Variants in PDGFD observed in about 807,000 individuals in gnomAD.
PDGFD encodes the protein platelet derived growth factor D, also known as platelet-derived growth factor D.
PDGFD carries 30 observed loss-of-function variants against 44.7 expected under a neutral mutation model. The ratio of observed to expected loss-of-function variants is 0.67; its 90% CI spans 0.50 to 0.91. The LOEUF (loss-of-function observed/expected upper bound fraction) is 0.91. Ranked by LOEUF, PDGFD falls within the 40% of genes least tolerant of loss-of-function variation. PDGFD has a pLI of 0.00. For synonymous variants in PDGFD, 173 were observed against 168.4 expected, an observed-to-expected ratio of 1.03 and a Z score of -0.21; for missense variants, 445 against 457.8, an observed-to-expected ratio of 0.97 and a Z score of 0.25.
At chr11:104,078,040 C>G (rs549077) in intron 1 of PDGFD, among the ~76,000 whole-genome samples, 71,998 of 151,892 alleles carry the variant, frequency 0.47, 18,957 homozygotes, top group African/African-American at 0.72. Context: ...TGCCACTGGT[C>G]CTCAGCGGCC....
At chr11:103,998,837 A>G (rs1319053137) in intron 2 of PDGFD, among the ~76,000 whole-genome samples, 1 of 152,184 alleles carries the variant, frequency 6.6e-6, no homozygotes, top group Non-Finnish European at 1.5e-5. Flanking sequence ...TTGGAGGATT[A>G]ACTGCTGTGG....
chr11:103,991,077 T>G (rs921505564), intron 3 of PDGFD, among the ~76,000 whole-genome samples: 2 of 151,698 alleles, frequency 1.3e-5, no homozygotes, highest in Admixed American at 6.6e-5. Flanking sequence ...AGACGGAGCT[T>G]GCAGTGAGCC....
chr11:104,020,017 T>C (rs1267736695), intron 1 of PDGFD, among the ~76,000 whole-genome samples: 1 of 152,114 alleles, frequency 6.6e-6, no homozygotes, highest in East Asian at 1.9e-4. Flanking sequence ...TCTACAAATG[T>C]CATTAAGCTA....
chr11:104,093,237 A>G (rs1861235323), intron 1 of PDGFD, among the ~76,000 whole-genome samples: 1 of 152,114 alleles, frequency 6.6e-6, no homozygotes, highest in African/African-American at 2.4e-5. Flanking sequence ...ATTCTAGAGA[A>G]AAGTGATGGG....
At chr11:103,957,263 A>G in intron 3 of PDGFD, among the ~76,000 whole-genome samples, 1 of 152,182 alleles carries the variant, frequency 6.6e-6, no homozygotes, top group Non-Finnish European at 1.5e-5. Flanking sequence ...ATCCAGTTGA[A>G]TCAATATCGT....
intron 5 of PDGFD, among the ~76,000 whole-genome samples, chr11:103,932,520 C>G (rs765861980): frequency 6.6e-6 from 1 of 152,174 alleles, no homozygotes; most frequent in Non-Finnish European, 1.5e-5. Flanking sequence ...TATTCAGGTG[C>G]TTCTCTTCTA....
chr11:104,088,637 C>T (rs1271379273), intron 1 of PDGFD, among the ~76,000 whole-genome samples: 1 of 152,126 alleles, frequency 6.6e-6, no homozygotes. Flanking sequence ...GTAACAGATA[C>T]CTCCTGGGAA....
intron 1 of PDGFD, among the ~76,000 whole-genome samples, chr11:104,058,177 A>G (rs1280296939): frequency 6.6e-6 from 1 of 152,176 alleles, no homozygotes; most frequent in Non-Finnish European, 1.5e-5. Flanking sequence ...AAAATTAAAA[A>G]CTCTTGGATA....
chr11:103,948,357 T>G (rs1425698317), intron 3 of PDGFD, among the ~76,000 whole-genome samples: 1 of 152,080 alleles, frequency 6.6e-6, no homozygotes, highest in East Asian at 1.9e-4. Context: ...GGAAGGAAGG[T>G]CAAGGGCAGA....
intron 6 of PDGFD, among the ~76,000 whole-genome samples, chr11:103,923,545 C>T (rs890262018): frequency 3.9e-5 from 6 of 152,126 alleles, no homozygotes; most frequent in African/African-American, 9.7e-5. Flanking sequence ...TCAGTTGCAA[C>T]CATGAGCTGG....
intron 1 of PDGFD, among the ~76,000 whole-genome samples, chr11:104,060,517 C>G (rs1052193543): frequency 5.9e-5 from 9 of 152,146 alleles, no homozygotes; most frequent in African/African-American, 1.9e-4. Flanking sequence ...CCCTGGGTTG[C>G]TAATTCAGAT....
intron 1 of PDGFD, among the ~76,000 whole-genome samples, chr11:104,136,242 T>C (rs1414743465): frequency 2.0e-5 from 3 of 152,174 alleles, no homozygotes; most frequent in East Asian, 3.9e-4. Flanking sequence ...CAAGGCTATA[T>C]ATGACTGAAT....
intron 5 of PDGFD, among the ~76,000 whole-genome samples, chr11:103,937,583 A>G (rs1456623821): frequency 6.6e-6 from 1 of 152,086 alleles, no homozygotes; most frequent in Non-Finnish European, 1.5e-5. Flanking sequence ...TTTAAGTTTT[A>G]GAGTACATAT....
chr11:104,155,408 G>C (rs894349723), intron 1 of PDGFD, among the ~76,000 whole-genome samples: 1 of 152,188 alleles, frequency 6.6e-6, no homozygotes, highest in Non-Finnish European at 1.5e-5. Flanking sequence ...GCCTCAGCCA[G>C]CTGGGCTTGC....
chr11:104,074,698 C>T (rs1231098206), intron 1 of PDGFD, among the ~76,000 whole-genome samples: 1 of 152,140 alleles, frequency 6.6e-6, no homozygotes, highest in Non-Finnish European at 1.5e-5. Context: ...CAAAATCACA[C>T]TCAGTGAAAA....
intron 1 of PDGFD, among the ~76,000 whole-genome samples, chr11:104,155,798 A>C (rs1463077976): frequency 6.6e-6 from 1 of 152,172 alleles, no homozygotes; most frequent in Non-Finnish European, 1.5e-5. Context: ...TTGCTTATTA[A>C]ATGTTTCAAT....
chr11:103,952,441 T>C (rs1327296270), intron 3 of PDGFD, among the ~76,000 whole-genome samples: 1 of 152,140 alleles, frequency 6.6e-6, no homozygotes. Context: ...CTGTAGTATC[T>C]TCCATCCTAA....
intron 3 of PDGFD, among the ~76,000 whole-genome samples, chr11:103,963,016 C>G (rs1192202951): frequency 6.6e-6 from 1 of 151,984 alleles, no homozygotes; most frequent in African/African-American, 2.4e-5. Context: ...GATCTTGTAC[C>G]AATTACTTAA....
chr11:104,021,519 C>A (rs1454557847), intron 1 of PDGFD, among the ~76,000 whole-genome samples: 2 of 152,090 alleles, frequency 1.3e-5, no homozygotes, highest in African/African-American at 4.8e-5. Flanking sequence ...CCTTAGGAGT[C>A]ATCCACTGTT....
Sources: allele counts gnomAD v4.1 joint callset (sites outside exome capture counted in the v4.1 genomes callset), GRCh38; gene constraint gnomAD v4.1.1; transcripts MANE v1.5; gene names NCBI Gene and HGNC (gene_info 2026-07-23, HGNC 2026-07-21).